Variants in SUCLG2 observed in about 807,000 individuals in gnomAD.
SUCLG2 encodes the protein succinate-CoA ligase GDP-forming subunit beta, also known as succinate--CoA ligase [GDP-forming] subunit beta, mitochondrial.
A neutral mutation model predicts 47.9 loss-of-function variants in SUCLG2; 42 were observed. The ratio of observed to expected loss-of-function variants is 0.88; its 90% confidence interval spans 0.69 to 1.14. The LOEUF is 1.14. Ranked by LOEUF, SUCLG2 falls within the 50% of genes most tolerant of loss-of-function variation. The pLI, the probability that SUCLG2 is intolerant of heterozygous loss-of-function variation, is 0.00. For missense variants in SUCLG2, 571 were observed against 525.9 expected (o/e 1.09, Z -0.84); for synonymous variants, 195 against 197.3 (o/e 0.99, Z 0.10).
chr3:67,413,806 G>C (rs1482565300), intron 9 of SUCLG2, among the ~76,000 whole-genome samples: 1 of 152,122 alleles, frequency 6.6e-6, no homozygotes, highest in Non-Finnish European at 1.5e-5. Flanking sequence ...GCTTCCTTTT[G>C]TCTTCCCTGC....
chr3:67,396,525 A>G, intron 10 of SUCLG2, among the ~76,000 whole-genome samples: 1 of 152,200 alleles, frequency 6.6e-6, no homozygotes, highest in Non-Finnish European at 1.5e-5. Context: ...TTGTGGCAAT[A>G]ATCAATAGCT....
chr3:67,401,482 T>G (rs1702682160), intron 9 of SUCLG2, among the ~76,000 whole-genome samples: 1 of 151,794 alleles, frequency 6.6e-6, no homozygotes, highest in African/African-American at 2.4e-5. Context: ...AAAGTCAAGC[T>G]ACTGACTGGA....
At chr3:67,561,243 C>T (rs1458263564) in intron 2 of SUCLG2, among the ~76,000 whole-genome samples, 2 of 151,648 alleles carry the variant, frequency 1.3e-5, no homozygotes, top group South Asian at 2.1e-4. Context: ...AAGCACTGTG[C>T]CTATTATCTT....
chr3:67,447,800 G>A (rs1703960692), intron 9 of SUCLG2, among the ~76,000 whole-genome samples: 2 of 152,214 alleles, frequency 1.3e-5, no homozygotes, highest in African/African-American at 4.8e-5. Context: ...TGCAATCTCA[G>A]CTCACTGCAA....
intron 7 of SUCLG2, among the ~76,000 whole-genome samples, chr3:67,506,142 T>C (rs1265390534): frequency 1.3e-5 from 2 of 152,174 alleles, no homozygotes; most frequent in East Asian, 1.9e-4. Context: ...AACTAACAAA[T>C]ACTCAGATTA....
intron 2 of SUCLG2, among the ~76,000 whole-genome samples, chr3:67,602,644 T>C (rs1196223208): frequency 6.6e-6 from 1 of 152,206 alleles, no homozygotes; most frequent in African/African-American, 2.4e-5. Context: ...CTACAACTTG[T>C]TGAATGGGAT....
chr3:67,542,299 C>T (rs1006946155), intron 2 of SUCLG2, among the ~76,000 whole-genome samples: 1 of 152,068 alleles, frequency 6.6e-6, no homozygotes, highest in African/African-American at 2.4e-5. Flanking sequence ...TTGTTACCAC[C>T]AGGCCTGCCT....
At chr3:67,435,882 C>G (rs1306876218) in intron 9 of SUCLG2, among the ~76,000 whole-genome samples, 1 of 152,064 alleles carries the variant, frequency 6.6e-6, no homozygotes, top group Non-Finnish European at 1.5e-5. Context: ...ATGTTCTTTT[C>G]TTCATATATT....
intron 9 of SUCLG2, among the ~76,000 whole-genome samples, chr3:67,461,232 G>C (rs889158326): frequency 3.3e-5 from 5 of 152,136 alleles, no homozygotes; most frequent in African/African-American, 9.7e-5. Flanking sequence ...CAGCATGCAT[G>C]AGTTTAACGC....
At chr3:67,375,997 A>C (rs1702028764) in intron 10 of SUCLG2, 138 bp from the exon 11 acceptor site, 1 of 1,388,774 alleles carries the variant, frequency 7.2e-7, no homozygotes, top group Admixed American at 3.1e-5. Context: ...CATCAAGGTC[A>C]CTGACAGAAA....
chr3:67,503,913 T>A (rs1188474203), intron 7 of SUCLG2, among the ~76,000 whole-genome samples: 2 of 152,160 alleles, frequency 1.3e-5, no homozygotes, highest in Non-Finnish European at 2.9e-5. Context: ...TAGAGGCCTC[T>A]GACCCTAGAA....
At chr3:67,384,994 G>A (rs1480375962) in intron 10 of SUCLG2, among the ~76,000 whole-genome samples, 1 of 152,208 alleles carries the variant, frequency 6.6e-6, no homozygotes, top group South Asian at 2.1e-4. Flanking sequence ...GAGTCTCAGC[G>A]GGACACACTT....
At chr3:67,578,457 T>C (rs1707799836) in intron 2 of SUCLG2, among the ~76,000 whole-genome samples, 1 of 152,082 alleles carries the variant, frequency 6.6e-6, no homozygotes, top group Non-Finnish European at 1.5e-5. Flanking sequence ...ATGTCTTAGA[T>C]TGACTTACCT....
At chr3:67,467,192 T>A (rs1704494703) in intron 9 of SUCLG2, among the ~76,000 whole-genome samples, 1 of 152,222 alleles carries the variant, frequency 6.6e-6, no homozygotes, top group Non-Finnish European at 1.5e-5. Flanking sequence ...CTCTTGAGAT[T>A]GATAATATAA....
intron 9 of SUCLG2, among the ~76,000 whole-genome samples, chr3:67,489,533 G>GA (rs994872081): frequency 2.0e-5 from 3 of 152,128 alleles, no homozygotes; most frequent in Non-Finnish European, 2.9e-5. Flanking sequence ...CACTCTATAT[G>GA]AAAAAAATAC....
At chr3:67,511,295 A>G (rs1347450780) in intron 6 of SUCLG2, among the ~76,000 whole-genome samples, 2 of 152,140 alleles carry the variant, frequency 1.3e-5, no homozygotes, top group South Asian at 2.1e-4. Flanking sequence ...TATCTTTGTC[A>G]GTGTGTTAGG....
At chr3:67,501,024 A>G (rs1195692205) in intron 7 of SUCLG2, among the ~76,000 whole-genome samples, 2 of 152,176 alleles carry the variant, frequency 1.3e-5, no homozygotes, top group African/African-American at 4.8e-5. Context: ...CTCTCCAGGG[A>G]ACAATCTTGA....
intron 5 of SUCLG2, among the ~76,000 whole-genome samples, chr3:67,518,829 A>G (rs1180319491): frequency 2.0e-5 from 3 of 152,188 alleles, no homozygotes; most frequent in East Asian, 1.9e-4. Context: ...GTCACTATAC[A>G]TTATTTCATG....
intron 9 of SUCLG2, among the ~76,000 whole-genome samples, chr3:67,477,297 T>C (rs1704788236): frequency 6.6e-6 from 1 of 152,158 alleles, no homozygotes; most frequent in Admixed American, 6.5e-5. Flanking sequence ...GCTCCACCAT[T>C]TGGCTGACTT....
Sources: allele counts gnomAD v4.1 joint callset (sites outside exome capture counted in the v4.1 genomes callset), GRCh38; gene constraint gnomAD v4.1.1; transcripts MANE v1.5; gene names NCBI Gene and HGNC (gene_info 2026-07-23, HGNC 2026-07-21).